Variants in KAT7 observed in about 807,000 individuals in gnomAD.
KAT7 encodes histone acetyltransferase KAT7.
A neutral mutation model predicts 82.1 loss-of-function variants in KAT7; 10 were observed. The observed-to-expected ratio is 0.12, with a 90% CI of 0.08 to 0.21. The LOEUF is 0.21. Ranked by LOEUF, KAT7 falls within the 10% of genes least tolerant of loss-of-function variation. KAT7 has a pLI of 1.00. For missense variants in KAT7, 378 were observed against 760.9 expected (o/e 0.50, Z 5.92); for synonymous variants, 250 against 262.5 (o/e 0.95, Z 0.46).
chr17:49,823,481 A>AGGAGT, intron 12 of KAT7, 186 bp downstream of exon 12: 1 of 548,452 alleles, frequency 1.8e-6, no homozygotes, highest in South Asian at 2.1e-5. Context: ...TGAACATTGA[A>AGGAGT]GGAGTACAGG....
In KAT7 at chr17:49,816,245, G is replaced by A. The variant is rs147127659; in HGVS notation, c.963+332G>A. 8.6e-4 allele frequency among the ~76,000 whole-genome samples: 131 copies of A among 152,324 alleles called. 1 individual carries two copies. Among genetic ancestry groups the A allele is most frequent in the African/African-American group, 3.0e-3 (123 of 41,576 alleles). ...AATTCTGAGAACCTGTAGCCTAGGA[G>A]AGACTCATCTCTGTTGTTTTCTTAA... On this transcript the variant is annotated intron_variant, in intron 8 of 14. Transcript: ENST00000259021.
intron 5 of KAT7, among the ~76,000 whole-genome samples, chr17:49,806,973 C>G (rs897958178): frequency 9.2e-5 from 14 of 152,116 alleles, no homozygotes; most frequent in African/African-American, 3.4e-4. Flanking sequence ...ACAAATTCCC[C>G]ACATTTATTA....
intron 7 of KAT7, among the ~76,000 whole-genome samples, chr17:49,811,899 G>A (rs2074170742): frequency 6.6e-6 from 1 of 152,156 alleles, no homozygotes; most frequent in African/African-American, 2.4e-5. Flanking sequence ...GGAAATGTCT[G>A]TATGAAGAAA....
Position 49,811,784 on chromosome 17 carries a change from C to A in KAT7, c.852+210C>A, listed in dbSNP as rs7221382. 8.6e-3 allele frequency among the ~76,000 whole-genome samples: 1,303 copies of A among 152,208 alleles called. 20 individuals carry two copies. The highest frequency in any genetic ancestry group is 0.03 in the African/African-American group (1,228 of 41,544). The stretch of plus-strand genomic sequence containing the variant: ...CAGGAGGTCTTGGGAAAATGAAATA[C>A]AATTAGAATTTAAATTTTAAAAAAT... On this transcript the variant is annotated intron_variant, in intron 7 of 14. Transcript: ENST00000259021.
intron 7 of KAT7, 181 bp from the exon 8 acceptor site, chr17:49,815,622 G>T: frequency 2.2e-6 from 1 of 456,274 alleles, no homozygotes; most frequent in Non-Finnish European, 3.9e-6. Context: ...GGTGGGTAGT[G>T]GGAGTCTTGT....
chr17:49,801,947 T>C (rs1323386575), intron 4 of KAT7, among the ~76,000 whole-genome samples: 4 of 152,236 alleles, frequency 2.6e-5, no homozygotes, highest in Admixed American at 2.6e-4. Context: ...TTTGCAGTTT[T>C]CTATGAATGC....
chr17:49,789,727 C>T (rs1487918089), intron 1 of KAT7: 1 of 152,050 alleles, frequency 6.6e-6, no homozygotes, highest in Non-Finnish European at 1.5e-5. Context: ...TAGATGTGAT[C>T]CCTGGCTTAA....
chr17:49,821,337 G>A lies in KAT7; in HGVS notation c.1156G>A (p.Ala386Thr). Reference sequence around the variant, plus strand: ...TGATGTGAATTTCATTGTCTTGCAGGCCAAATGTGTGTGGAAACACCCACC... The same window carrying A: ...TGATGTGAATTTCATTGTCTTGCAGACCAAATGTGTGTGGAAACACCCACC... ...KSQTILRRHM[A>T]KCVWKHPPGD... The change falls in exon 10 of 15, where the codon GCC becomes ACC. Residue 386 changes from alanine to threonine, a missense_variant and splice_region_variant. Physicochemically the swap from Ala to Thr is moderately conservative, Grantham distance 58 (BLOSUM62 0). This residue lies in a region of KAT7 where 37 missense variants were observed against 98.6 expected (regional missense o/e 0.38). Transcript: ENST00000259021. 6.2e-7 allele frequency: 1 copy of A among 1,612,506 alleles called. No homozygotes were observed. Among genetic ancestry groups the A allele is most frequent in the South Asian group, 1.1e-5 (1 of 90,942 alleles).
At chr17:49,803,145 G>A (rs1380311842) in intron 4 of KAT7, among the ~76,000 whole-genome samples, 1 of 151,112 alleles carries the variant, frequency 6.6e-6, no homozygotes, top group East Asian at 1.9e-4. Flanking sequence ...ATCTTGCTCT[G>A]TTGCCCAGGC....
intron 7 of KAT7, among the ~76,000 whole-genome samples, chr17:49,812,239 T>TA (rs2143930950): frequency 6.7e-6 from 1 of 149,050 alleles, no homozygotes; most frequent in African/African-American, 2.5e-5. Flanking sequence ...AAAATCTTTT[T>TA]TTTTTTTTTT....
rs376766066 is a variant in KAT7 at position 49,807,986 on chromosome 17, A to C, written c.664-1133A>C. On this transcript the variant is annotated intron_variant, in intron 5 of 14. Coordinates refer to ENST00000259021, the MANE Select transcript of KAT7 (RefSeq NM_007067.5). The stretch of plus-strand genomic sequence containing the variant: ...TTGACCATTCTGAGTTTTAGTGGTG[A>C]AGTGGAATAAGCAGTTGGATATCAG... 4.6e-5 allele frequency among the ~76,000 whole-genome samples: 7 copies of C among 152,122 alleles called. No homozygotes were observed. The East Asian group carries it at 7.7e-4, about 17-fold the overall frequency.
chr17:49,815,203 A>G (rs1485449701), intron 7 of KAT7: 1 of 152,170 alleles, frequency 6.6e-6, no homozygotes, highest in African/African-American at 2.4e-5. Flanking sequence ...TTTTCTGTGT[A>G]TGTGGACTGG....
chr17:49,798,739 A>G (rs1039753082), intron 4 of KAT7, among the ~76,000 whole-genome samples, 181 bp downstream of exon 4: 2 of 152,236 alleles, frequency 1.3e-5, no homozygotes, highest in African/African-American at 4.8e-5. Context: ...ATGGTCCATA[A>G]TAATAGATCT....
rs1290562451 is a variant in KAT7 at position 49,791,949 on chromosome 17, A to G, written c.79A>G (p.Thr27Ala). Residue 27 changes from threonine (T) to alanine (A), a missense_variant, in exon 2 of 15, where the codon ACA becomes GCA. Thr to Ala is a moderately conservative substitution (Grantham distance 58, BLOSUM62 0). Transcript: ENST00000259021. ...DSDFSTDLEH[T>A]DSSESDGTSR... ...CGATTTTTCTACAGATCTCGAGCACACAGACAGTTCAGAAAGTGATGGCAC... is the reference window on the plus strand; with the variant it reads ...CGATTTTTCTACAGATCTCGAGCACGCAGACAGTTCAGAAAGTGATGGCAC... 3.7e-6 allele frequency: 6 copies of G among 1,614,244 alleles called. No individual in the cohort carries two copies. Among genetic ancestry groups the G allele is most frequent in the African/African-American group, 1.3e-5 (1 of 75,066 alleles).
chr17:49,789,256 T>A (rs1489427184), intron 1 of KAT7: 1 of 164,886 alleles, frequency 6.1e-6, no homozygotes, highest in Non-Finnish European at 1.3e-5. Flanking sequence ...GTTGGCAGTC[T>A]GTCCTGTGGG....
At position 49,815,821 on chromosome 17, in the gene KAT7, G is replaced by A; in HGVS notation, c.871G>A (p.Gly291Arg). Reference protein sequence around the residue: ...EKYMEHRQTYGNTREPLLENL... With the variant: ...EKYMEHRQTYRNTREPLLENL... ...TTCCTAGGAACACAGACAGACCTAT[G>A]GGAACACACGGGAACCTCTTTTAGA... The change falls in exon 8 of 15, where the codon GGG becomes AGG. Residue 291 changes from glycine (G) to arginine (R), a missense_variant. This residue lies in a region of KAT7 where 102 missense variants were observed against 129.8 expected (regional missense o/e 0.79). Coordinates refer to ENST00000259021, the MANE Select transcript of KAT7 (RefSeq NM_007067.5). 1 of 1,609,418 alleles carries A rather than the reference G, an allele frequency of 6.2e-7. No individual in the cohort carries two copies. The highest frequency in any genetic ancestry group is 8.5e-7 in the Non-Finnish European group (1 of 1,176,620).
chr17:49,821,840 C>G (rs1181576133), intron 11 of KAT7, 50 bp downstream of exon 11: 32 of 1,583,444 alleles, frequency 2.0e-5, no homozygotes, highest in Non-Finnish European at 2.4e-5. Context: ...CAGGGTGATC[C>G]ATGTTCGCAG....
intron 1 of KAT7, among the ~76,000 whole-genome samples, chr17:49,790,168 T>C (rs930592037): frequency 6.6e-6 from 1 of 152,118 alleles, no homozygotes; most frequent in African/African-American, 2.4e-5. Context: ...TAAAATGACC[T>C]CAGCTGGTGG....
At chr17:49,813,465 G>A (rs1400251823) in intron 7 of KAT7, among the ~76,000 whole-genome samples, 1 of 152,026 alleles carries the variant, frequency 6.6e-6, no homozygotes, top group African/African-American at 2.4e-5. Flanking sequence ...TAAACATAGG[G>A]CATGTGAATA....
Sources: gnomAD v4.1 joint callset for allele counts (sites outside exome capture counted in the v4.1 genomes callset) on GRCh38, gnomAD v4.1.1 for gene constraint, gnomAD v4.1.1 regional missense constraint, MANE v1.5 for transcripts, NCBI Gene and HGNC (gene_info 2026-07-23, HGNC 2026-07-21) for gene names.